The following TAFA2 variants were observed in gnomAD, a reference collection of about 807,000 sequenced individuals.
The protein encoded by TAFA2 is chemokine-like protein TAFA-2.
TAFA2 carries 7 observed loss-of-function variants against 18.8 expected under a neutral mutation model. The observed-to-expected ratio is 0.37, with a 90% CI of 0.21 to 0.70. The LOEUF (loss-of-function observed/expected upper bound fraction) is 0.70, where lower values mean the gene tolerates loss of function less well. Among genes scored for constraint, TAFA2 ranks in the 30% least tolerant of loss-of-function variants. TAFA2 has a pLI of 0.53. For synonymous variants in TAFA2, 60 were observed against 54.2 expected (o/e 1.11, Z -0.47); for missense variants, 122 against 158.1 (o/e 0.77, Z 1.23).
chr12:61,926,335 C>T (rs1477317565), intron 1 of TAFA2, among the ~76,000 whole-genome samples: 3 of 152,236 alleles, frequency 2.0e-5, no homozygotes, highest in Admixed American at 1.3e-4. Flanking sequence ...TCCTCCGTAA[C>T]TCATTTTATG....
chr12:61,750,547 T>A (rs1868962652), intron 4 of TAFA2, among the ~76,000 whole-genome samples: 1 of 152,110 alleles, frequency 6.6e-6, no homozygotes, highest in African/African-American at 2.4e-5. Flanking sequence ...AAGAAGAGTA[T>A]AATTCACATT....
At chr12:62,146,242 T>TCC (rs2062279840) in intron 1 of TAFA2, among the ~76,000 whole-genome samples, 1 of 150,492 alleles carries the variant, frequency 6.6e-6, no homozygotes, top group South Asian at 2.1e-4. Context: ...ACCACTGCCC[T>TCC]CCTAAGGTTG....
chr12:61,825,603 G>A (rs902890812), intron 2 of TAFA2, among the ~76,000 whole-genome samples: 1 of 152,036 alleles, frequency 6.6e-6, no homozygotes, highest in African/African-American at 2.4e-5. Context: ...AAAAAATGGA[G>A]TCAAACGACA....
chr12:61,761,497 T>G (rs1869545851), intron 2 of TAFA2, among the ~76,000 whole-genome samples: 1 of 152,042 alleles, frequency 6.6e-6, no homozygotes, highest in Non-Finnish European at 1.5e-5. Context: ...AGCACTAACT[T>G]ATGTATATTA....
intron 1 of TAFA2, among the ~76,000 whole-genome samples, chr12:61,874,582 T>C (rs539640742): frequency 2.0e-5 from 3 of 152,184 alleles, no homozygotes; most frequent in Non-Finnish European, 4.4e-5. Flanking sequence ...TATTGCTTTA[T>C]GCCTAGCCAT....
intron 4 of TAFA2, among the ~76,000 whole-genome samples, chr12:61,737,949 G>A (rs1004619978): frequency 2.0e-5 from 3 of 151,864 alleles, no homozygotes; most frequent in Non-Finnish European, 4.4e-5. Flanking sequence ...TGTATGCTAC[G>A]TACATAACAT....
intron 1 of TAFA2, among the ~76,000 whole-genome samples, chr12:62,045,243 A>C (rs1019778533): frequency 5.3e-5 from 8 of 152,090 alleles, no homozygotes; most frequent in Non-Finnish European, 1.2e-4. Flanking sequence ...TTCATTTCCA[A>C]CTTTTTTTAT....
chr12:61,846,447 G>A (rs1191096991), intron 2 of TAFA2, among the ~76,000 whole-genome samples: 2 of 152,042 alleles, frequency 1.3e-5, no homozygotes, highest in African/African-American at 4.8e-5. Context: ...TTCTACCAAA[G>A]TGATACAGCA....
intron 2 of TAFA2, among the ~76,000 whole-genome samples, chr12:61,780,970 G>A (rs1870478552): frequency 6.6e-6 from 1 of 151,702 alleles, no homozygotes; most frequent in Non-Finnish European, 1.5e-5. Context: ...GCTCGAGTCA[G>A]ACAACTGTAA....
At chr12:61,829,629 TA>T (rs929480151) in intron 2 of TAFA2, among the ~76,000 whole-genome samples, 5 of 151,638 alleles carry the variant, frequency 3.3e-5, no homozygotes, top group African/African-American at 1.2e-4. Flanking sequence ...ATGAATTTAA[TA>T]AATATCAAGA....
At chr12:61,754,267 C>G (rs574067832) in intron 3 of TAFA2, among the ~76,000 whole-genome samples, 1 of 151,758 alleles carries the variant, frequency 6.6e-6, no homozygotes, top group African/African-American at 2.4e-5. Flanking sequence ...GCTATAACCT[C>G]ATCACAAGCA....
intron 1 of TAFA2, among the ~76,000 whole-genome samples, chr12:61,871,114 G>A (rs937954754): frequency 6.6e-6 from 1 of 152,090 alleles, no homozygotes; most frequent in Non-Finnish European, 1.5e-5. Context: ...AAAGAGTCGG[G>A]GGGGCATGCA....
At chr12:61,717,609 A>C (rs1869719069) in intron 4 of TAFA2, among the ~76,000 whole-genome samples, 1 of 152,178 alleles carries the variant, frequency 6.6e-6, no homozygotes, top group African/African-American at 2.4e-5. Flanking sequence ...CTATTTTATA[A>C]ATTCTTGAAA....
chr12:61,868,037 G>A (rs985587696), intron 1 of TAFA2, among the ~76,000 whole-genome samples: 2 of 152,066 alleles, frequency 1.3e-5, no homozygotes, highest in African/African-American at 4.8e-5. Flanking sequence ...CCCAGAGGTA[G>A]GAGAAAAATG....
At chr12:61,891,952 C>T (rs1378810476) in intron 1 of TAFA2, among the ~76,000 whole-genome samples, 2 of 151,080 alleles carry the variant, frequency 1.3e-5, no homozygotes, top group Non-Finnish European at 2.9e-5. Flanking sequence ...ATCTGATTTA[C>T]GTTTTTTAAA....
intron 1 of TAFA2, among the ~76,000 whole-genome samples, chr12:62,145,864 C>G (rs928530838): frequency 9.2e-5 from 14 of 152,216 alleles, no homozygotes; most frequent in Non-Finnish European, 1.6e-4. Context: ...ACTCCTATCC[C>G]AAGTGTTATA....
intron 2 of TAFA2, among the ~76,000 whole-genome samples, chr12:61,821,564 G>A (rs1000211324): frequency 6.6e-6 from 1 of 152,004 alleles, no homozygotes; most frequent in Non-Finnish European, 1.5e-5. Context: ...TTAGAAACAA[G>A]AGCTATTTCA....
At chr12:61,853,038 C>T (rs757650436) in intron 2 of TAFA2, among the ~76,000 whole-genome samples, 2 of 152,118 alleles carry the variant, frequency 1.3e-5, no homozygotes, top group Non-Finnish European at 2.9e-5. Flanking sequence ...AAGAGAGTAG[C>T]TCTCAAGTGT....
chr12:61,916,689 C>T (rs1436933784), intron 1 of TAFA2, among the ~76,000 whole-genome samples: 2 of 152,134 alleles, frequency 1.3e-5, no homozygotes, highest in Non-Finnish European at 2.9e-5. Context: ...GCTTTCATCC[C>T]ACTTTTATTT....
Sources: allele counts gnomAD v4.1 joint callset (sites outside exome capture counted in the v4.1 genomes callset), GRCh38; gene constraint gnomAD v4.1.1; transcripts MANE v1.5; gene names NCBI Gene and HGNC (gene_info 2026-07-23, HGNC 2026-07-21).